The following DNHD1 variants were observed in gnomAD, a reference collection of about 807,000 sequenced individuals.
DNHD1 encodes dynein heavy chain domain-containing protein 1.
In DNHD1, 383 loss-of-function variants were observed where a neutral mutation model predicts 458.1. That is an observed-to-expected ratio of 0.84 (90% CI 0.77 to 0.91). DNHD1 has a LOEUF of 0.91. Ranked by LOEUF, DNHD1 falls within the 40% of genes least tolerant of loss-of-function variation. The pLI is 0.00. For missense variants in DNHD1, 5,336 were observed against 5,866.1 expected (o/e 0.91, Z 2.95); for synonymous variants, 2,203 against 2,376.9 (o/e 0.93, Z 2.13).
chr11:6,538,576 G>A (rs1853018774), intron 15 of DNHD1, 36 bp from the exon 16 acceptor site: 6 of 1,550,532 alleles, frequency 3.9e-6, no homozygotes, highest in Non-Finnish European at 3.5e-6. Flanking sequence ...GGGAGGGGAA[G>A]AGTCTCAAGC....
Position 6,519,262 on chromosome 11 carries a change from C to T in DNHD1, c.1393-338C>T, listed in dbSNP as rs192654597. On this transcript the variant is annotated intron_variant, in intron 7 of 42. Coordinates refer to ENST00000254579, the MANE Select transcript of DNHD1 (RefSeq NM_144666.3). ...AATTATTGTTTAGCCTTATTTATCCCATCTTTTTCTTTTTGTCTCTTCTGT... is the reference window on the plus strand; with the variant it reads ...AATTATTGTTTAGCCTTATTTATCCTATCTTTTTCTTTTTGTCTCTTCTGT... 3.9e-5 allele frequency among the ~76,000 whole-genome samples: 6 copies of T among 152,240 alleles called. No homozygotes were observed. The East Asian group carries it at 9.6e-4, about 24-fold the overall frequency.
Position 6,545,703 on chromosome 11 carries a change from G to T in DNHD1, c.4764G>T (p.Leu1588=). Reference sequence around the variant, plus strand: ...CTCACCGGGATATAGCACAGCTGCTGGAACAGCACCAGGTCAGTGATCTCA... The same window carrying T: ...CTCACCGGGATATAGCACAGCTGCTTGAACAGCACCAGGTCAGTGATCTCA... The part of the protein sequence containing the change: ...AVTHRDIAQL[L]EQHQVSDLTD... Residue 1588 remains leucine, a synonymous_variant, in exon 21 of 43, where the codon CTG becomes CTT. Coordinates refer to ENST00000254579, the MANE Select transcript of DNHD1 (RefSeq NM_144666.3). The surrounding 1 kb of genome is among the most constrained non-coding windows in gnomAD (Gnocchi z 4.9). 6.4e-7 allele frequency: 1 copy of T among 1,551,686 alleles called. No individual in the cohort carries two copies. The highest frequency in any genetic ancestry group is 8.7e-7 in the Non-Finnish European group (1 of 1,147,008).
chr11:6,544,631 T>G lies in DNHD1; in HGVS notation c.3812T>G (p.Val1271Gly). 4 of 1,551,602 alleles carry G rather than the reference T, an allele frequency of 2.6e-6. No individual in the cohort carries two copies. The South Asian group carries it at 4.8e-5, about 18-fold the overall frequency. The stretch of plus-strand genomic sequence containing the variant: ...CAGAAGTGGATTTTTCTGAATAAAG[T>G]TCTGCATGAGATGAAGATCCAGTTT... ...FQQKWIFLNKVLHEMKIQFPN... is the reference protein window; with the variant it reads ...FQQKWIFLNKGLHEMKIQFPN... The change falls in exon 20 of 43, where the codon GTT (valine) becomes GGT (glycine). Residue 1271 changes from valine (V) to glycine (G), a missense_variant. Val to Gly is a moderately radical substitution (Grantham distance 109, BLOSUM62 -3). Transcript: ENST00000254579.
chr11:6,547,751 T>A (rs765574648), intron 21 of DNHD1, 85 bp downstream of exon 21: 1 of 1,487,926 alleles, frequency 6.7e-7, no homozygotes, highest in East Asian at 2.5e-5. Context: ...GCGTGTGTTC[T>A]TTGGTGGATC....
At position 6,548,182 on chromosome 11, in the gene DNHD1, G is replaced by A. The variant is rs368500139; in HGVS notation, c.6906-28G>A. The A allele has an allele frequency of 2.8e-5, 43 of 1,549,742 alleles. No homozygotes were observed. The highest frequency in any genetic ancestry group is 1.7e-4 in the Middle Eastern group (1 of 6,012). On this transcript the variant is annotated intron_variant, in intron 22 of 42. Coordinates refer to ENST00000254579, the MANE Select transcript of DNHD1 (RefSeq NM_144666.3). The surrounding 1 kb of genome is among the most constrained non-coding windows in gnomAD (Gnocchi z 4.4). ...AATGGAAGTGTTGTAACTGTCTGAC[G>A]CTTTTGCCTGTGTGTCCATCTGAGC...
chr11:6,521,325 G>A (rs1852600036), intron 10 of DNHD1, among the ~76,000 whole-genome samples: 1 of 152,040 alleles, frequency 6.6e-6, no homozygotes, highest in Admixed American at 6.6e-5. Flanking sequence ...CATTATATGT[G>A]GTACTAATTC....
intron 10 of DNHD1, 70 bp downstream of exon 10, chr11:6,520,359 G>T: frequency 6.4e-7 from 1 of 1,550,584 alleles, no homozygotes; most frequent in South Asian, 1.2e-5. Context: ...CTAATGGCAT[G>T]GGAAGAAGGC....
intron 21 of DNHD1, 74 bp from the exon 22 acceptor site, chr11:6,547,789 C>A: frequency 6.5e-7 from 1 of 1,530,950 alleles, no homozygotes; most frequent in Non-Finnish European, 8.8e-7. Flanking sequence ...GTAATACTGT[C>A]AACCTTTTTT....
Position 6,538,409 on chromosome 11 carries a change from A to G in DNHD1, c.3025A>G (p.Ile1009Val). The G allele has an allele frequency of 6.4e-7, 1 of 1,551,666 alleles. No homozygotes were observed. Among genetic ancestry groups the G allele is most frequent in the Non-Finnish European group, 8.7e-7 (1 of 1,146,964 alleles). ...TEDETPVPLPICGTRPIVQQQ... is the reference protein window; with the variant it reads ...TEDETPVPLPVCGTRPIVQQQ... ...GGATGAGACTCCTGTGCCCTTGCCA[A>G]TCTGTGGGACACGTCCTATTGTGCA... Residue 1009 changes from isoleucine to valine, a missense_variant, in exon 15 of 43, where the codon ATC (isoleucine) becomes GTC (valine). By Grantham distance (29) the Ile-to-Val change is conservative. Transcript: ENST00000254579.
In DNHD1 at chr11:6,520,747, A is replaced by G. The variant is rs73404910; in HGVS notation, c.1837+458A>G. 3.8e-4 allele frequency: 384 copies of G among 1,003,708 alleles called. 1 individual carries two copies. The African/African-American group carries it at 6.4e-3, about 17-fold the overall frequency. 62.2% of individuals were successfully genotyped at this position (1,003,708 alleles called of 1,614,324 possible). A position where few individuals can be genotyped will look rare whatever the true frequency, so the allele number is the denominator to read the frequency against. Reference sequence around the variant, plus strand: ...TGTATTGAAATATTTTATGGTTACCAATTATTATTGGTTATCAGTCTTCAC... The same window carrying G: ...TGTATTGAAATATTTTATGGTTACCGATTATTATTGGTTATCAGTCTTCAC... On this transcript the variant is annotated intron_variant, in intron 10 of 42. Coordinates refer to ENST00000254579, the MANE Select transcript of DNHD1 (RefSeq NM_144666.3).
rs1272266294 is a variant in DNHD1 at position 6,519,973 on chromosome 11, G to A, written c.1656G>A (p.Arg552=). 1 of 1,614,124 alleles carries A rather than the reference G, an allele frequency of 6.2e-7. No homozygotes were observed. The highest frequency in any genetic ancestry group is 1.6e-4 in the Middle Eastern group (1 of 6,062). The part of the protein sequence containing the change: ...SFVANILQAP[R]QKPFLSSQLV... ...GACCCTTTTTTTTACAGGCCCCAAGGCAGAAACCCTTTCTCTCATCACAGC... is the reference window on the plus strand; with the variant it reads ...GACCCTTTTTTTTACAGGCCCCAAGACAGAAACCCTTTCTCTCATCACAGC... Residue 552 remains arginine, a synonymous_variant, in exon 9 of 43, where the codon AGG becomes AGA. Coordinates refer to ENST00000254579, the MANE Select transcript of DNHD1 (RefSeq NM_144666.3).
chr11:6,544,475 G>A, intron 19 of DNHD1, 99 bp from the exon 20 acceptor site: 1 of 1,110,010 alleles, frequency 9.0e-7, no homozygotes, highest in South Asian at 1.5e-5. Context: ...TTTTGCTTGG[G>A]CTGGTGGGGT....
Position 6,528,519 on chromosome 11 carries a change from T to G in DNHD1, c.1838-3T>G. 1 of 1,548,512 alleles carries G rather than the reference T, an allele frequency of 6.5e-7. No homozygotes were observed. Among genetic ancestry groups the G allele is most frequent in the African/African-American group, 1.4e-5 (1 of 73,076 alleles). On this transcript the variant is annotated splice_polypyrimidine_tract_variant and splice_region_variant and intron_variant, in intron 10 of 42. Transcript: ENST00000254579. Reference sequence around the variant, plus strand: ...CGGACAATTATGGCCTGTGCTCCACTAGAAGAAGATGAAGAGGAGGACTCA... The same window carrying G: ...CGGACAATTATGGCCTGTGCTCCACGAGAAGAAGATGAAGAGGAGGACTCA...
At position 6,546,988 on chromosome 11, in the gene DNHD1, G is replaced by T; in HGVS notation, c.6049G>T (p.Asp2017Tyr). The change falls in exon 21 of 43, where the codon GAC (aspartate) becomes TAC (tyrosine). Residue 2017 changes from aspartate (D) to tyrosine (Y), a missense_variant. Transcript: ENST00000254579. ...KIQNRLAAME[D>Y]TSTQGCQPVE... is the part of the protein sequence containing the mutation. ...CCAGAATCGGCTGGCAGCCATGGAG[G>T]ACACCTCAACCCAAGGCTGCCAGCC... The T allele has an allele frequency of 6.4e-7, 1 of 1,551,480 alleles. No homozygotes were observed. Among genetic ancestry groups the T allele is most frequent in the Non-Finnish European group, 8.7e-7 (1 of 1,146,904 alleles).
intron 24 of DNHD1, among the ~76,000 whole-genome samples, chr11:6,549,395 G>C (rs1853289121): frequency 6.6e-6 from 1 of 152,124 alleles, no homozygotes; most frequent in Non-Finnish European, 1.5e-5. Context: ...CATATTTCTT[G>C]AATCTTTCCA....
chr11:6,543,900 A>G (rs2134425825), intron 18 of DNHD1, among the ~76,000 whole-genome samples: 2 of 143,492 alleles, frequency 1.4e-5, no homozygotes, highest in Middle Eastern at 3.8e-3. Context: ...AGCATAGTAC[A>G]GTGAGCTGAG....
intron 18 of DNHD1, 61 bp from the exon 19 acceptor site, chr11:6,544,060 T>G: frequency 6.5e-7 from 1 of 1,533,826 alleles, no homozygotes; most frequent in Non-Finnish European, 8.8e-7. Flanking sequence ...GGTCTCCTCT[T>G]CTCTCCCCCA....
chr11:6,544,396 C>A, intron 19 of DNHD1, 150 bp downstream of exon 19: 1 of 1,110,092 alleles, frequency 9.0e-7, no homozygotes, highest in Non-Finnish European at 1.3e-6. Flanking sequence ...ATGAAGAGAT[C>A]AGGTTTTTAT....
intron 12 of DNHD1, among the ~76,000 whole-genome samples, chr11:6,530,114 A>G (rs1852796187): frequency 6.6e-6 from 1 of 152,184 alleles, no homozygotes; most frequent in African/African-American, 2.4e-5. Flanking sequence ...AACACATAAC[A>G]GTATGATTTC....
Sources: gnomAD v4.1 joint callset for allele counts (sites outside exome capture counted in the v4.1 genomes callset) on GRCh38, gnomAD v4.1.1 for gene constraint, Gnocchi (gnomAD v3.1) non-coding constraint, MANE v1.5 for transcripts, NCBI Gene and HGNC (gene_info 2026-07-23, HGNC 2026-07-21) for gene names.